TUBA1C: variants seen among roughly 807,000 people sequenced by gnomAD.
TUBA1C encodes tubulin alpha 1c, also known as tubulin alpha-1C chain.
Under a neutral mutation model 34.9 loss-of-function variants are expected in TUBA1C, and 16 were observed. That is an observed-to-expected ratio of 0.46 (90% CI 0.31 to 0.70). The LOEUF (loss-of-function observed/expected upper bound fraction) is 0.70, where lower values mean the gene tolerates loss of function less well. Among genes scored for constraint, TUBA1C ranks in the 30% least tolerant of loss-of-function variants. TUBA1C has a pLI of 0.05. For missense variants in TUBA1C, 329 were observed against 587.3 expected (o/e 0.56, Z 4.55); for synonymous variants, 177 against 215.9 (o/e 0.82, Z 1.58).
At chr12:49,231,633 T>A (rs1942498040) in intron 1 of TUBA1C, among the ~76,000 whole-genome samples, 1 of 152,204 alleles carries the variant, frequency 6.6e-6, no homozygotes, top group Non-Finnish European at 1.5e-5. Context: ...TGTGAACGTA[T>A]GTGCCATGGC....
intron 1 of TUBA1C, among the ~76,000 whole-genome samples, chr12:49,236,496 C>T (rs1257052146): frequency 2.6e-5 from 4 of 152,208 alleles, no homozygotes; most frequent in East Asian, 1.9e-4. Flanking sequence ...CAGAGATGAG[C>T]TTATGATGAT....
intron 1 of TUBA1C, among the ~76,000 whole-genome samples, chr12:49,241,318 G>A (rs1942612528): frequency 1.3e-5 from 2 of 152,154 alleles, no homozygotes; most frequent in Non-Finnish European, 2.9e-5. Context: ...CACCCCCAGT[G>A]CCTAACTAGT....
intron 1 of TUBA1C, among the ~76,000 whole-genome samples, chr12:49,257,271 C>T (rs1187490962): frequency 6.6e-6 from 1 of 152,074 alleles, no homozygotes; most frequent in African/African-American, 2.4e-5. Context: ...GCTGTGTGAC[C>T]TCAGGGCAGT....
chr12:49,244,956 A>G (rs1159819441), intron 1 of TUBA1C, among the ~76,000 whole-genome samples: 2 of 152,140 alleles, frequency 1.3e-5, no homozygotes, highest in South Asian at 2.1e-4. Flanking sequence ...GCTATTTAAC[A>G]GAAAAAAAAC....
intron 1 of TUBA1C, among the ~76,000 whole-genome samples, chr12:49,266,675 T>TC (rs1408251864): frequency 6.6e-6 from 1 of 151,680 alleles, no homozygotes; most frequent in East Asian, 1.9e-4. Flanking sequence ...ACGGTGAAAC[T>TC]CCGTCTATAC....
At chr12:49,250,473 G>A (rs1303981019) in intron 1 of TUBA1C, among the ~76,000 whole-genome samples, 2 of 147,836 alleles carry the variant, frequency 1.4e-5, no homozygotes, top group South Asian at 2.1e-4. Context: ...GCAGTGAGCC[G>A]AGATCGCGCC....
rs570562259 is a variant in TUBA1C, at chr12:49,255,917, T to C, written c.214-13548T>C. Among the ~76,000 whole-genome samples, 4 of 152,288 alleles carry C rather than the reference T, an allele frequency of 2.6e-5. No homozygotes were observed. In the East Asian group the frequency reaches 7.7e-4, roughly 29 times the overall value. ...CAATGTGCTTGAGGCTAGGGCGTGG[T>C]GGCTGACATCTGTATTCCCAGCATT... On this transcript the variant is annotated intron_variant, in intron 1 of 3. Transcript: ENST00000541364.
intron 1 of TUBA1C, among the ~76,000 whole-genome samples, chr12:49,236,287 TTTG>T (rs1240356430): frequency 6.6e-6 from 1 of 152,228 alleles, no homozygotes; most frequent in Non-Finnish European, 1.5e-5. Flanking sequence ...GGTATTGCAC[TTTG>T]TTAAAGTCCA....
chr12:49,229,414 C>T (rs1411539116), intron 1 of TUBA1C, among the ~76,000 whole-genome samples: 2 of 152,206 alleles, frequency 1.3e-5, no homozygotes, highest in Non-Finnish European at 2.9e-5. Context: ...CTCAGGTGAT[C>T]CGCCCGCCTT....
chr12:49,243,564 G>A (rs1487493011), intron 1 of TUBA1C, among the ~76,000 whole-genome samples: 1 of 152,162 alleles, frequency 6.6e-6, no homozygotes. Flanking sequence ...ACATAGCATA[G>A]TTCAGGATGG....
Position 49,273,398 on chromosome 12 carries a change from C to A in TUBA1C, c.*171C>A. ...GATGTATGAGGCTGGTAGATGAAAC[C>A]ACCTGAGTCGAGGGTCTTGCTCTGT... is the stretch of plus-strand genomic sequence containing the variant. On this transcript the variant is annotated 3_prime_UTR_variant, in exon 4 of 4. Coordinates refer to ENST00000301072, the MANE Select transcript of TUBA1C (RefSeq NM_032704.5). 1 of 1,231,888 alleles carries A rather than the reference C, an allele frequency of 8.1e-7. No homozygotes were observed. The highest frequency in any genetic ancestry group is 1.1e-6 in the Non-Finnish European group (1 of 882,286). The allele number at this position is 1,231,888 out of a possible 1,614,324, so 76.3% of individuals were successfully genotyped here.
At chr12:49,266,143 C>T (rs562187443) in intron 1 of TUBA1C, among the ~76,000 whole-genome samples, 2 of 122,604 alleles carry the variant, frequency 1.6e-5, no homozygotes, top group African/African-American at 3.1e-5. Context: ...AACGCAAACC[C>T]GGCCCGGCGC....
intron 1 of TUBA1C, among the ~76,000 whole-genome samples, chr12:49,247,553 G>A (rs1041612568): frequency 5.3e-5 from 8 of 151,946 alleles, no homozygotes; most frequent in South Asian, 4.2e-4. Context: ...GCAGTGAGCC[G>A]AGATTGCACC....
chr12:49,268,060 C>T (rs1004425624), intron 1 of TUBA1C, among the ~76,000 whole-genome samples: 2 of 152,150 alleles, frequency 1.3e-5, no homozygotes, highest in Non-Finnish European at 2.9e-5. Context: ...TCTAAATTAA[C>T]TTGGTCCACC....
rs954607707 is a variant in TUBA1C, at chr12:49,265,124, A to G, written c.-58A>G. The G allele has an allele frequency of 1.3e-6, 2 of 1,581,964 alleles. No individual in the cohort carries two copies. The highest frequency in any genetic ancestry group is 1.7e-6 in the Non-Finnish European group (2 of 1,159,560). ...CTCCTTGGTAGTCTGTTAGTGGGAGATCCTTGTTGCCGTCCCTTCGCCTCC... is the reference window on the plus strand; with the variant it reads ...CTCCTTGGTAGTCTGTTAGTGGGAGGTCCTTGTTGCCGTCCCTTCGCCTCC... On this transcript the variant is annotated 5_prime_UTR_variant, in exon 1 of 4. Coordinates refer to ENST00000301072, the MANE Select transcript of TUBA1C (RefSeq NM_032704.5).
intron 1 of TUBA1C, among the ~76,000 whole-genome samples, chr12:49,231,205 C>T (rs557559289): frequency 3.3e-5 from 5 of 152,292 alleles, no homozygotes; most frequent in African/African-American, 1.2e-4. Flanking sequence ...CATTCTATTG[C>T]CCAGGCTGTA....
intron 1 of TUBA1C, among the ~76,000 whole-genome samples, chr12:49,250,381 G>A (rs1410874503): frequency 6.6e-6 from 1 of 151,338 alleles, no homozygotes; most frequent in Admixed American, 6.6e-5. Context: ...AAAATTAGTC[G>A]GGCATGGTGG....
rs766992405 is a variant in TUBA1C at position 49,273,236 on chromosome 12, C to G, written c.*9C>G. On this transcript the variant is annotated 3_prime_UTR_variant, in exon 4 of 4. Transcript: ENST00000301072. ...AGGGTGAAGAGTATTAACCTGTGTG[C>G]TGTACTTTTACACTCCTTTGTCTTG... 5 of 1,614,186 alleles carry G rather than the reference C, an allele frequency of 3.1e-6. No homozygotes were observed. In the Admixed American group the frequency reaches 6.7e-5, roughly 22 times the overall value.
chr12:49,265,019 C>T (rs1037708054), upstream of TUBA1C: 19 of 1,084,542 alleles, frequency 1.8e-5, no homozygotes, highest in African/African-American at 2.9e-4. Flanking sequence ...GTCTGGGGCC[C>T]GCCCTCCCGA....
Sources: gnomAD v4.1 joint callset for allele counts (sites outside exome capture counted in the v4.1 genomes callset) on GRCh38, gnomAD v4.1.1 for gene constraint, MANE v1.5 for transcripts, NCBI Gene and HGNC (gene_info 2026-07-23, HGNC 2026-07-21) for gene names.